Variants in SLC24A4 observed in about 807,000 individuals in gnomAD.
SLC24A4 encodes sodium/potassium/calcium exchanger 4.
In SLC24A4, 53 loss-of-function variants were observed where a neutral mutation model predicts 79.0. The observed-to-expected ratio is 0.67, with a 90% CI of 0.54 to 0.84. The LOEUF is 0.84. Among genes scored for constraint, SLC24A4 ranks in the 40% least tolerant of loss-of-function variants. SLC24A4 has a pLI of 0.00. For synonymous variants in SLC24A4, 323 were observed against 323.8 expected (o/e 1.00, Z 0.03); for missense variants, 731 against 822.0 (o/e 0.89, Z 1.35).
chr14:92,479,357 C>G (rs1216074452), intron 12 of SLC24A4, among the ~76,000 whole-genome samples: 1 of 152,130 alleles, frequency 6.6e-6, no homozygotes, highest in African/African-American at 2.4e-5. Context: ...CATAGATGCC[C>G]TTTATCCAGT....
At position 92,474,863 on chromosome 14, in the gene SLC24A4, A is replaced by ATATATATATATATATATATATATAT. The variant is rs36185636; in HGVS notation, c.1256-7816_1256-7815insATATATATATATATATATATATATT. On this transcript the variant is annotated intron_variant, in intron 12 of 16. Coordinates refer to ENST00000532405, the MANE Select transcript of SLC24A4 (RefSeq NM_153646.4). ...TGTGTGTATATATATATATATATATATTTTTTTTTTTTTTAGTAGACACAG... is the reference window on the plus strand; with the variant it reads ...TGTGTGTATATATATATATATATATATATATATATATATATATATATATATTTTTTTTTTTTTTTAGTAGACACAG... 4.9e-4 allele frequency among the ~76,000 whole-genome samples: 28 copies of ATATATATATATATATATATATATAT among 57,104 alleles called. 1 individual carries two copies. The highest frequency in any genetic ancestry group is 7.2e-4 in the Non-Finnish European group (21 of 29,102). 37.5% of individuals were successfully genotyped at this position (57,104 alleles called of 152,430 possible). A position where few individuals can be genotyped will look rare whatever the true frequency, so the allele number is the denominator to read the frequency against.
At chr14:92,462,037 C>G (rs898006874) in intron 12 of SLC24A4, 2 of 152,208 alleles carry the variant, frequency 1.3e-5, no homozygotes. Flanking sequence ...GAATATTATC[C>G]TCATTTATAG....
chr14:92,424,543 C>T (rs76862589), intron 2 of SLC24A4, among the ~76,000 whole-genome samples: 17,368 of 151,926 alleles, frequency 0.11, 1,077 homozygotes, highest in African/African-American at 0.16. Context: ...AGCAAAAGAG[C>T]GGGAGAAGAG....
Position 92,323,246 on chromosome 14 carries a change from G to C in SLC24A4, c.-585G>C, listed in dbSNP as rs1884894245. On this transcript the variant is annotated 5_prime_UTR_variant, in exon 1 of 17. Transcript: ENST00000532405. This position sits in a 1 kb window ranked among gnomAD's most constrained non-coding sequence, Gnocchi z 4.9. ...CCCTGGGAGGGCCGACGTCGAGCCT[G>C]CTCGCCGCGAGGGTCTCAGGTACCG... is the stretch of plus-strand genomic sequence containing the variant. 6.6e-6 allele frequency: 1 copy of C among 152,122 alleles called. No individual in the cohort carries two copies. The highest frequency in any genetic ancestry group is 2.1e-4 in the South Asian group (1 of 4,828). The allele number at this position is 152,122 out of a possible 1,614,324, so 9.4% of individuals were successfully genotyped here.
chr14:92,486,035 C>T (rs1895338037), intron 13 of SLC24A4, among the ~76,000 whole-genome samples: 1 of 152,208 alleles, frequency 6.6e-6, no homozygotes, highest in South Asian at 2.1e-4. Flanking sequence ...CCTCAGCACC[C>T]TGCGCTTACT....
rs1031591292 is a variant in SLC24A4, at chr14:92,500,904, C to T, written c.*7276C>T. On this transcript the variant is annotated 3_prime_UTR_variant, in exon 17 of 17. Transcript: ENST00000532405. ...ATGCAGCCAGGCCCAGGGGTAGATA[C>T]AGGAGTTGCTAAGGAAGGGGCCGAG... 1 of 152,312 alleles carries T rather than the reference C, an allele frequency of 6.6e-6. No homozygotes were observed. Among genetic ancestry groups the T allele is most frequent in the African/African-American group, 2.4e-5 (1 of 41,442 alleles). The allele number at this position is 152,312 out of a possible 1,614,324, so 9.4% of individuals were successfully genotyped here.
rs944101054 is a variant in SLC24A4, at chr14:92,493,504, G to A, written c.1745G>A (p.Arg582Gln). 8 of 1,614,118 alleles carry A rather than the reference G, an allele frequency of 5.0e-6. No individual in the cohort carries two copies. The highest frequency in any genetic ancestry group is 4.5e-5 in the East Asian group (2 of 44,898). The stretch of plus-strand genomic sequence containing the variant: ...CTCGGCATCCACCTAAACAAGTGGC[G>A]ACTGGACCGGAAGCTGGGTGTCTAC... ...TVLGIHLNKW[R>Q]LDRKLGVYVL... Residue 582 changes from arginine (R) to glutamine (Q), a missense_variant, in exon 17 of 17, where the codon CGA (arginine) becomes CAA (glutamine). Coordinates refer to ENST00000532405, the MANE Select transcript of SLC24A4 (RefSeq NM_153646.4).
intron 2 of SLC24A4, among the ~76,000 whole-genome samples, chr14:92,427,662 T>C (rs983381681): frequency 2.7e-5 from 4 of 150,184 alleles, no homozygotes; most frequent in African/African-American, 7.5e-5. Flanking sequence ...TATCAGTGAG[T>C]GTTCCCTGCA....
chr14:92,372,935 C>A (rs201578693), intron 2 of SLC24A4, among the ~76,000 whole-genome samples: 1 of 97,898 alleles, frequency 1.0e-5, no homozygotes, highest in African/African-American at 3.5e-5. Flanking sequence ...CTCTTTCTTT[C>A]TTTTTCTCTC....
At chr14:92,414,153 A>G (rs1343324207) in intron 2 of SLC24A4, among the ~76,000 whole-genome samples, 1 of 152,114 alleles carries the variant, frequency 6.6e-6, no homozygotes, top group African/African-American at 2.4e-5. Flanking sequence ...TATTACCTGG[A>G]CACTATTGGC....
intron 12 of SLC24A4, among the ~76,000 whole-genome samples, chr14:92,460,402 A>G (rs908766144): frequency 1.3e-5 from 2 of 152,164 alleles, no homozygotes; most frequent in South Asian, 4.1e-4. Flanking sequence ...TGTGAATCCT[A>G]GTGTGCTTTA....
At chr14:92,475,469 A>G (rs572779843) in intron 12 of SLC24A4, among the ~76,000 whole-genome samples, 1 of 152,314 alleles carries the variant, frequency 6.6e-6, no homozygotes, top group South Asian at 2.1e-4. Flanking sequence ...TAGTAAGGCT[A>G]TGGGTCAACT....
chr14:92,425,826 A>G (rs2139769535), intron 2 of SLC24A4, among the ~76,000 whole-genome samples: 1 of 152,182 alleles, frequency 6.6e-6, no homozygotes, highest in East Asian at 1.9e-4. Flanking sequence ...CCAAAAAAAT[A>G]CAATAATTAG....
rs1259262699 is a variant in SLC24A4 at position 92,493,599 on chromosome 14, A to C, written c.1840A>C (p.Asn614His). The C allele has an allele frequency of 6.2e-7, 1 of 1,614,110 alleles. No individual in the cohort carries two copies. Among genetic ancestry groups the C allele is most frequent in the Non-Finnish European group, 8.5e-7 (1 of 1,180,004 alleles). The change falls in exon 17 of 17, where the codon AAC becomes CAC. Residue 614 changes from asparagine to histidine, a missense_variant. By Grantham distance (68) the Asn-to-His change is moderately conservative (BLOSUM62 1). Transcript: ENST00000532405. ...AGAGTTTAACGTCTTTACCTTCGTC[A>C]ACTTGCCGATGTGCCGGGAAGACGA... ...MIEFNVFTFV[N>H]LPMCREDD
chr14:92,474,864 T>TATA (rs1491176639), intron 12 of SLC24A4, among the ~76,000 whole-genome samples: 4,395 of 38,766 alleles, frequency 0.11, 323 homozygotes, highest in East Asian at 0.21. Flanking sequence ...TATATATATA[T>TATA]TTTTTTTTTT....
intron 13 of SLC24A4, chr14:92,483,793 G>T (rs970349574): frequency 1.2e-5 from 16 of 1,290,030 alleles, no homozygotes; most frequent in Middle Eastern, 4.3e-4. Flanking sequence ...CTCACTCTCA[G>T]CCCCTTACAC....
intron 9 of SLC24A4, among the ~76,000 whole-genome samples, chr14:92,448,439 C>T (rs140763143): frequency 1.0e-3 from 152 of 150,734 alleles, no homozygotes; most frequent in African/African-American, 3.4e-3. Flanking sequence ...TACCGCGATA[C>T]GTAATTAAAA....
intron 2 of SLC24A4, among the ~76,000 whole-genome samples, chr14:92,409,802 A>G (rs1271055420): frequency 6.6e-6 from 1 of 152,192 alleles, no homozygotes; most frequent in African/African-American, 2.4e-5. Flanking sequence ...TCCATCAGTG[A>G]CAGTCTGGAT....
At chr14:92,332,595 A>AT (rs1885542503) in intron 2 of SLC24A4, among the ~76,000 whole-genome samples, 1 of 152,126 alleles carries the variant, frequency 6.6e-6, no homozygotes, top group African/African-American at 2.4e-5. Context: ...ATATTAATAG[A>AT]TTTTCAGCTG....
Sources: allele counts gnomAD v4.1 joint callset (sites outside exome capture counted in the v4.1 genomes callset), GRCh38; gene constraint gnomAD v4.1.1; non-coding constraint Gnocchi (gnomAD v3.1); transcripts MANE v1.5; gene names NCBI Gene and HGNC (gene_info 2026-07-23, HGNC 2026-07-21).